The following DLGAP4 variants were observed in gnomAD, a reference collection of about 807,000 sequenced individuals.
The protein encoded by DLGAP4 is DLG associated protein 4, also known as disks large-associated protein 4.
Under a neutral mutation model 86.9 loss-of-function variants are expected in DLGAP4, and 18 were observed. That is an observed-to-expected ratio of 0.21 (90% CI 0.14 to 0.31). DLGAP4 has a LOEUF of 0.31. Ranked by LOEUF, DLGAP4 falls within the 10% of genes least tolerant of loss-of-function variation. DLGAP4 has a pLI of 1.00. For synonymous variants in DLGAP4, 548 were observed against 574.3 expected, an observed-to-expected ratio of 0.95 and a Z score of 0.65; for missense variants, 1,085 against 1,362.6, an observed-to-expected ratio of 0.80 and a Z score of 3.21.
At chr20:36,481,322 G>A (rs1209558903) in intron 7 of DLGAP4, among the ~76,000 whole-genome samples, 1 of 152,102 alleles carries the variant, frequency 6.6e-6, no homozygotes, top group African/African-American at 2.4e-5. Context: ...GACCCTCTGG[G>A]GCTACATGTG....
intron 1 of DLGAP4, among the ~76,000 whole-genome samples, chr20:36,327,623 G>T (rs1449562061): frequency 2.0e-4 from 26 of 132,360 alleles, no homozygotes; most frequent in Non-Finnish European, 3.8e-4. Context: ...ACGGAGTCTC[G>T]CTCTGTCGCC....
At chr20:36,438,200 C>T (rs997959972) in intron 4 of DLGAP4, among the ~76,000 whole-genome samples, 2 of 151,956 alleles carry the variant, frequency 1.3e-5, no homozygotes, top group African/African-American at 4.8e-5. Flanking sequence ...ATGGCGAAAC[C>T]GCATCTCTAC....
rs1555907464 is a variant in DLGAP4, at chr20:36,467,064, C to CTCTCTCT, written c.1648+20127_1648+20128insTCTCTCT. Reference sequence around the variant, plus strand: ...TCTCTCTCTCTCTCTCTCTCTCTCTCCCCCCCCCTTCTCTCGGCCCTGCCT... The same window carrying CTCTCTCT: ...TCTCTCTCTCTCTCTCTCTCTCTCTCTCTCTCTCCCCCCCCTTCTCTCGGCCCTGCCT... On this transcript the variant is annotated intron_variant, in intron 7 of 12. Transcript: ENST00000339266. Among the ~76,000 whole-genome samples the CTCTCTCT allele has an allele frequency of 6.2e-3, 727 of 118,082 alleles. 91 individuals carry two copies. Among genetic ancestry groups the CTCTCTCT allele is most frequent in the African/African-American group, 0.032 (660 of 20,534 alleles). The allele number at this position is 118,082 out of a possible 152,430, so 77.5% of individuals were successfully genotyped here.
In DLGAP4 at chr20:36,496,921, C is replaced by G; in HGVS notation, c.1865C>G (p.Thr622Arg). The G allele has an allele frequency of 2.5e-6, 4 of 1,614,226 alleles. No homozygotes were observed. Among genetic ancestry groups the G allele is most frequent in the Non-Finnish European group, 3.4e-6 (4 of 1,180,046 alleles). The change falls in exon 8 of 13, where the codon ACA (threonine) becomes AGA (arginine). Residue 622 changes from threonine (T) to arginine (R), a missense_variant. Physicochemically the swap from Thr to Arg is moderately conservative, Grantham distance 71 (BLOSUM62 -1). Coordinates refer to ENST00000339266, the MANE Select transcript of DLGAP4 (RefSeq NM_001365621.2). Reference protein sequence around the residue: ...LDSSTRPPSVTRGGVAPAPEA... With the variant: ...LDSSTRPPSVRRGGVAPAPEA... ...AGCAGTACCCGACCGCCCAGCGTGACACGGGGTGGAGTCGCCCCAGCCCCT... is the reference window on the plus strand; with the variant it reads ...AGCAGTACCCGACCGCCCAGCGTGAGACGGGGTGGAGTCGCCCCAGCCCCT...
intron 2 of DLGAP4, among the ~76,000 whole-genome samples, chr20:36,373,139 T>A (rs2031010264): frequency 6.6e-6 from 1 of 152,192 alleles, no homozygotes; most frequent in Admixed American, 6.5e-5. Context: ...TGATTTTTGT[T>A]TCTATCATTC....
At chr20:36,486,112 AGG>A (rs1176757559) in intron 7 of DLGAP4, among the ~76,000 whole-genome samples, 3 of 152,188 alleles carry the variant, frequency 2.0e-5, no homozygotes, top group Non-Finnish European at 4.4e-5. Context: ...GTTGTCAAAT[AGG>A]GGTTTGTTCA....
intron 1 of DLGAP4, among the ~76,000 whole-genome samples, chr20:36,347,600 C>G (rs1555893136): frequency 6.6e-6 from 1 of 151,766 alleles, no homozygotes; most frequent in Non-Finnish European, 1.5e-5. Flanking sequence ...CTACAAGTGA[C>G]AGGAGACCTC....
At chr20:36,465,772 G>A (rs571247545) in intron 7 of DLGAP4, among the ~76,000 whole-genome samples, 2 of 152,308 alleles carry the variant, frequency 1.3e-5, no homozygotes, top group Admixed American at 1.3e-4. Context: ...GCTCTTGCGG[G>A]AAGGCTGTCA....
intron 1 of DLGAP4, among the ~76,000 whole-genome samples, chr20:36,348,834 CTT>C (rs2030033708): frequency 6.6e-6 from 1 of 151,638 alleles, no homozygotes; most frequent in African/African-American, 2.4e-5. Flanking sequence ...GGCGTGGTGG[CTT>C]ATGCCTGTAA....
intron 7 of DLGAP4, among the ~76,000 whole-genome samples, chr20:36,478,372 G>A (rs928642713): frequency 4.6e-5 from 7 of 152,230 alleles, no homozygotes; most frequent in African/African-American, 1.7e-4. Flanking sequence ...GCAGTCCTGG[G>A]AGGGGAAAGG....
intron 2 of DLGAP4, among the ~76,000 whole-genome samples, chr20:36,409,988 C>T (rs1257958301): frequency 2.7e-5 from 4 of 149,942 alleles, no homozygotes; most frequent in African/African-American, 7.4e-5. Context: ...GAGCCGAGAT[C>T]ACGCCACTGC....
At chr20:36,357,055 G>A (rs1555893891) in intron 1 of DLGAP4, among the ~76,000 whole-genome samples, 1 of 152,152 alleles carries the variant, frequency 6.6e-6, no homozygotes, top group Non-Finnish European at 1.5e-5. Flanking sequence ...GCTGCTGGGT[G>A]ATCTTTCTCC....
chr20:36,477,052 A>C (rs2034976425), intron 7 of DLGAP4, among the ~76,000 whole-genome samples: 1 of 151,166 alleles, frequency 6.6e-6, no homozygotes, highest in Non-Finnish European at 1.5e-5. Flanking sequence ...TGCTCTGAAT[A>C]ATTAACTCTT....
At position 36,467,072 on chromosome 20, in the gene DLGAP4, C is replaced by CA. The variant is rs1176953297; in HGVS notation, c.1648+20135_1648+20136insA. Among the ~76,000 whole-genome samples the CA allele has an allele frequency of 2.3e-3, 311 of 137,740 alleles. 7 individuals carry two copies. The highest frequency in any genetic ancestry group is 8.0e-3 in the African/African-American group (295 of 36,884). 90.4% of individuals were successfully genotyped at this position (137,740 alleles called of 152,430 possible). ...TCTCTCTCTCTCTCTCTCCCCCCCC[C>CA]TTCTCTCGGCCCTGCCTTCCTAGCC... On this transcript the variant is annotated intron_variant, in intron 7 of 12. Transcript: ENST00000339266.
intron 10 of DLGAP4, among the ~76,000 whole-genome samples, chr20:36,507,484 T>A (rs2036444610): frequency 6.6e-6 from 1 of 152,108 alleles, no homozygotes. Flanking sequence ...CACCTCGCCC[T>A]CCCAAAATGC....
At chr20:36,354,618 A>G (rs918914597) in intron 1 of DLGAP4, among the ~76,000 whole-genome samples, 2 of 151,916 alleles carry the variant, frequency 1.3e-5, no homozygotes, top group African/African-American at 2.4e-5. Context: ...CTGCATCTCC[A>G]CTAGCCTTTT....
In DLGAP4 at chr20:36,387,957, G is replaced by A. The variant is rs143735019; in HGVS notation, c.-73+20682G>A. On this transcript the variant is annotated intron_variant, in intron 2 of 12. Coordinates refer to ENST00000339266, the MANE Select transcript of DLGAP4 (RefSeq NM_001365621.2). ...ATTTGGGGTACAACAATCCTTCCTT[G>A]GGTGGGACTGTCCTGCTCATTATAA... 1.8e-3 allele frequency among the ~76,000 whole-genome samples: 268 copies of A among 152,250 alleles called. 1 individual carries two copies. The highest frequency in any genetic ancestry group is 6.1e-3 in the African/African-American group (255 of 41,542).
In DLGAP4 at chr20:36,465,757, G is replaced by A. The variant is rs79553477; in HGVS notation, c.1648+18820G>A. On this transcript the variant is annotated intron_variant, in intron 7 of 12. Transcript: ENST00000339266. ...CACAGGCTTTCTTCCCAGAAGCTCA[G>A]ATGGGCTCTTGCGGGAAGGCTGTCA... Among the ~76,000 whole-genome samples, 1,793 of 152,306 alleles carry A rather than the reference G, an allele frequency of 0.012. 85 individuals carry two copies. In the East Asian group the frequency reaches 0.14, roughly 12 times the overall value.
intron 7 of DLGAP4, among the ~76,000 whole-genome samples, chr20:36,451,636 C>A (rs2033738842): frequency 6.6e-6 from 1 of 152,138 alleles, no homozygotes; most frequent in South Asian, 2.1e-4. Context: ...CAGGTGTGAG[C>A]CACCACGCCT....
Sources: gnomAD v4.1 joint callset for allele counts (sites outside exome capture counted in the v4.1 genomes callset) on GRCh38, gnomAD v4.1.1 for gene constraint, MANE v1.5 for transcripts, NCBI Gene and HGNC (gene_info 2026-07-23, HGNC 2026-07-21) for gene names.